The following SLC37A1 variants were observed in gnomAD, a reference collection of about 807,000 sequenced individuals.
SLC37A1 encodes the protein glucose-6-phosphate exchanger SLC37A1.
A neutral mutation model predicts 75.3 loss-of-function variants in SLC37A1; 49 were observed. The observed-to-expected ratio is 0.65, with a 90% CI of 0.52 to 0.83. SLC37A1 has a LOEUF of 0.83. Ranked by LOEUF, SLC37A1 falls within the 40% of genes least tolerant of loss-of-function variation. The pLI is 0.00. For synonymous variants in SLC37A1, 268 were observed against 292.1 expected, an observed-to-expected ratio of 0.92 and a Z score of 0.84; for missense variants, 566 against 695.0, an observed-to-expected ratio of 0.81 and a Z score of 2.09.
chr21:42,569,581 C>T (rs1378506661), intron 17 of SLC37A1, among the ~76,000 whole-genome samples: 3 of 151,300 alleles, frequency 2.0e-5, no homozygotes, highest in Non-Finnish European at 4.4e-5. Context: ...AGTCTTTGCC[C>T]AGATATCATC....
intron 6 of SLC37A1, 65 bp from the exon 7 acceptor site, chr21:42,542,339 C>T: frequency 6.8e-7 from 1 of 1,461,630 alleles, no homozygotes; most frequent in Non-Finnish European, 9.4e-7. Flanking sequence ...CTCTGTGCAC[C>T]TCCCTGCAGC....
intron 2 of SLC37A1, among the ~76,000 whole-genome samples, chr21:42,519,794 A>C (rs2054601115): frequency 6.6e-6 from 1 of 152,240 alleles, no homozygotes; most frequent in African/African-American, 2.4e-5. Context: ...CTGAACACTT[A>C]GGTTTTATTT....
intron 9 of SLC37A1, among the ~76,000 whole-genome samples, chr21:42,549,457 G>A (rs897727264): frequency 1.1e-4 from 17 of 152,154 alleles, no homozygotes; most frequent in African/African-American, 3.6e-4. Context: ...AGGTGTCCCC[G>A]ACGTGCCCTG....
At chr21:42,532,035 G>A (rs1413016347) in intron 3 of SLC37A1, among the ~76,000 whole-genome samples, 1 of 152,126 alleles carries the variant, frequency 6.6e-6, no homozygotes, top group African/African-American at 2.4e-5. Context: ...TAGTAATGCT[G>A]GGACACAGGC....
chr21:42,563,743 T>C (rs1484640618), intron 12 of SLC37A1, 72 bp from the exon 13 acceptor site: 6 of 1,449,068 alleles, frequency 4.1e-6, no homozygotes, highest in Non-Finnish European at 5.8e-6. Context: ...CGGGTCCTGT[T>C]CTGCCATGGT....
At chr21:42,564,834 C>G in intron 14 of SLC37A1, 41 bp downstream of exon 14, 1 of 1,563,064 alleles carries the variant, frequency 6.4e-7, no homozygotes, top group Non-Finnish European at 8.7e-7. Context: ...AGCCTGCAGA[C>G]AGTCCCCCAC....
intron 1 of SLC37A1, among the ~76,000 whole-genome samples, chr21:42,515,535 C>T (rs938047323): frequency 2.6e-5 from 4 of 152,166 alleles, no homozygotes; most frequent in Non-Finnish European, 5.9e-5. Flanking sequence ...TTCTAGGCAG[C>T]GCAGATCACA....
At chr21:42,563,972 A>G (rs2055902869) in intron 13 of SLC37A1, 95 bp downstream of exon 13, 14 of 1,398,528 alleles carry the variant, frequency 1.0e-5, no homozygotes, top group Non-Finnish European at 1.3e-5. Flanking sequence ...GGGTTCCCCA[A>G]GGTCTCATAT....
chr21:42,525,715 T>C (rs531327334), intron 2 of SLC37A1, 61 bp from the exon 3 acceptor site: 3 of 1,186,708 alleles, frequency 2.5e-6, no homozygotes, highest in East Asian at 4.7e-5. Flanking sequence ...CACAGTGATA[T>C]GTATTCCTAA....
intron 11 of SLC37A1, chr21:42,561,684 C>T (rs2055833697): frequency 5.2e-6 from 1 of 194,164 alleles, no homozygotes; most frequent in South Asian, 1.3e-4. Context: ...GATGTAAAGA[C>T]ACTGGGTTTT....
intron 17 of SLC37A1, among the ~76,000 whole-genome samples, chr21:42,571,140 G>C (rs1418788792): frequency 6.6e-6 from 1 of 152,180 alleles, no homozygotes; most frequent in African/African-American, 2.4e-5. Context: ...CCATGAGTGA[G>C]TGCTGCCCAG....
At chr21:42,500,490 C>A (rs1198052371) in intron 1 of SLC37A1, among the ~76,000 whole-genome samples, 2 of 152,172 alleles carry the variant, frequency 1.3e-5, no homozygotes, top group East Asian at 3.8e-4. Context: ...TAGTGCCTAG[C>A]ACAAAGTAAA....
chr21:42,525,885 C>A, intron 3 of SLC37A1, 28 bp downstream of exon 3: 2 of 1,573,788 alleles, frequency 1.3e-6, no homozygotes, highest in South Asian at 2.2e-5. Context: ...CACTGCCTGT[C>A]GTCTCTGTGA....
At chr21:42,513,216 G>A (rs1471432172), upstream of SLC37A1, among the ~76,000 whole-genome samples, 3 of 152,022 alleles carry the variant, frequency 2.0e-5, no homozygotes, top group African/African-American at 7.2e-5. Flanking sequence ...GTTGTTTCTG[G>A]GGTGACGTGG....
rs35343162 is a variant in SLC37A1 at position 42,568,347 on chromosome 21, T to C, written c.1345-13T>C. On this transcript the variant is annotated splice_polypyrimidine_tract_variant and intron_variant, in intron 16 of 19. Coordinates refer to ENST00000352133, the MANE Select transcript of SLC37A1 (RefSeq NM_001320537.2). Reference sequence around the variant, plus strand: ...GTGGCGATAACTGCACGTCTGTTTTTCCTCTCTTCTAGGGGACTCATAAAA... The same window carrying C: ...GTGGCGATAACTGCACGTCTGTTTTCCCTCTCTTCTAGGGGACTCATAAAA... 0.03 allele frequency: 47,799 copies of C among 1,611,812 alleles called. 820 individuals carry two copies. The highest frequency in any genetic ancestry group is 0.033 in the Non-Finnish European group (38,954 of 1,178,184).
intron 6 of SLC37A1, among the ~76,000 whole-genome samples, chr21:42,541,587 G>A (rs773156011): frequency 5.3e-5 from 8 of 152,350 alleles, no homozygotes; most frequent in East Asian, 1.9e-4. Context: ...TTGTCCAGGC[G>A]CGAAGTCAAG....
At chr21:42,574,016 C>A (rs1367784747) in intron 17 of SLC37A1, among the ~76,000 whole-genome samples, 1 of 11,646 alleles carries the variant, frequency 8.6e-5, no homozygotes, top group Non-Finnish European at 2.2e-4. Flanking sequence ...ATCATGCACC[C>A]GTGTTTTTAC....
chr21:42,567,215 C>T (rs9977293), intron 16 of SLC37A1, among the ~76,000 whole-genome samples, 157 bp downstream of exon 16: 85,257 of 151,670 alleles, frequency 0.56, 24,455 homozygotes, highest in Admixed American at 0.67. Flanking sequence ...CCCGCACCTG[C>T]CCCGCTGCTC....
chr21:42,557,778 C>T (rs2146960854), intron 10 of SLC37A1, among the ~76,000 whole-genome samples: 1 of 113,402 alleles, frequency 8.8e-6, no homozygotes, highest in South Asian at 2.6e-4. Context: ...AATACATTAC[C>T]ATTTTCTTTT....
Sources: allele counts gnomAD v4.1 joint callset (sites outside exome capture counted in the v4.1 genomes callset), GRCh38; gene constraint gnomAD v4.1.1; transcripts MANE v1.5; gene names NCBI Gene and HGNC (gene_info 2026-07-23, HGNC 2026-07-21).